CAMTA1: variants seen among roughly 807,000 people sequenced by gnomAD.
CAMTA1 encodes calmodulin-binding transcription activator 1.
CAMTA1 carries 27 observed loss-of-function variants against 170.9 expected under a neutral mutation model. The observed-to-expected ratio is 0.16, with a 90% CI of 0.12 to 0.22. The LOEUF (loss-of-function observed/expected upper bound fraction) is 0.22, where lower values mean the gene tolerates loss of function less well. CAMTA1 is among the 10% of genes least tolerant of loss of function. CAMTA1 has a pLI of 1.00. For synonymous variants in CAMTA1, 833 were observed against 891.5 expected, an observed-to-expected ratio of 0.93 and a Z score of 1.17; for missense variants, 1,619 against 2,217.2, an observed-to-expected ratio of 0.73 and a Z score of 5.42.
At chr1:6,874,989 A>T (rs1161320537) in intron 3 of CAMTA1, among the ~76,000 whole-genome samples, 1 of 152,196 alleles carries the variant, frequency 6.6e-6, no homozygotes, top group African/African-American at 2.4e-5. Context: ...TGCCTGTTAC[A>T]TATTCATCCC....
At chr1:7,557,718 C>T (rs2094898669) in intron 6 of CAMTA1, among the ~76,000 whole-genome samples, 1 of 152,192 alleles carries the variant, frequency 6.6e-6, no homozygotes, top group African/African-American at 2.4e-5. Context: ...CAGGCTCTGG[C>T]CCAGACACAG....
In CAMTA1 at chr1:7,339,077, C is replaced by T. The variant is rs144192114; in HGVS notation, c.438+89451C>T. On this transcript the variant is annotated intron_variant, in intron 5 of 22. Transcript: ENST00000303635. Reference sequence around the variant, plus strand: ...ACGAGACCAGCGAGGGGGAACTCCGCCCCCTCCCACCAGGCCCCTCTTCCA... The same window carrying T: ...ACGAGACCAGCGAGGGGGAACTCCGTCCCCTCCCACCAGGCCCCTCTTCCA... Among the ~76,000 whole-genome samples, 148 of 152,262 alleles carry T rather than the reference C, an allele frequency of 9.7e-4. 2 individuals are homozygous for T. Among genetic ancestry groups the T allele is most frequent in the African/African-American group, 3.1e-3 (130 of 41,558 alleles).
chr1:6,896,091 A>G (rs1365530524), intron 3 of CAMTA1, among the ~76,000 whole-genome samples: 1 of 152,158 alleles, frequency 6.6e-6, no homozygotes, highest in Non-Finnish European at 1.5e-5. Context: ...CTAGCTGCCT[A>G]GAAGCTGCTC....
rs1429619196 is a variant in CAMTA1, at chr1:7,534,617, G to A, written c.510+66716G>A. ...GTCTGGCATGTCCTCGGCGGCACGG[G>A]CTGTGGCCGCAGAAGGCCAGCAGCT... On this transcript the variant is annotated intron_variant, in intron 6 of 22. Transcript: ENST00000303635. This position sits in a 1 kb window ranked among gnomAD's most constrained non-coding sequence, Gnocchi z 5.6. Among the ~76,000 whole-genome samples, 1 of 152,192 alleles carries A rather than the reference G, an allele frequency of 6.6e-6. No individual in the cohort carries two copies. The highest frequency in any genetic ancestry group is 6.5e-5 in the Admixed American group (1 of 15,280).
chr1:6,993,940 A>G (rs1696781517), intron 3 of CAMTA1, among the ~76,000 whole-genome samples: 2 of 152,250 alleles, frequency 1.3e-5, no homozygotes, highest in South Asian at 4.1e-4. Context: ...GGTTAATTGA[A>G]TGTATTAAAA....
At chr1:7,412,404 A>C (rs1230816742) in intron 5 of CAMTA1, among the ~76,000 whole-genome samples, 1 of 151,534 alleles carries the variant, frequency 6.6e-6, no homozygotes, top group Non-Finnish European at 1.5e-5. Flanking sequence ...ATTTCTCCAC[A>C]TCCTCTCCAG....
At chr1:7,008,573 A>G (rs1355634777) in intron 3 of CAMTA1, 1 of 152,190 alleles carries the variant, frequency 6.6e-6, no homozygotes, top group Non-Finnish European at 1.5e-5. Flanking sequence ...GCACCGTGCC[A>G]GGGGCCTGGG....
At position 7,500,291 on chromosome 1, in the gene CAMTA1, A is replaced by G. The variant is rs1389647930; in HGVS notation, c.510+32390A>G. 2.0e-4 allele frequency among the ~76,000 whole-genome samples: 21 copies of G among 104,940 alleles called. No homozygotes were observed. In the South Asian group the frequency reaches 5.5e-3, roughly 28 times the overall value. The allele number at this position is 104,940 out of a possible 152,430, so 68.8% of individuals were successfully genotyped here. On this transcript the variant is annotated intron_variant, in intron 6 of 22. Coordinates refer to ENST00000303635, the MANE Select transcript of CAMTA1 (RefSeq NM_015215.4). ...CCTGGTGTGCGTGCATATGTATATG[A>G]GTGTGTGTGTGCATGTGTGTCCGTG...
intron 5 of CAMTA1, among the ~76,000 whole-genome samples, chr1:7,386,764 G>A (rs957613494): frequency 6.6e-6 from 1 of 152,188 alleles, no homozygotes; most frequent in Non-Finnish European, 1.5e-5. Context: ...TAAGAAGTCA[G>A]TAGGAAAATG....
intron 5 of CAMTA1, among the ~76,000 whole-genome samples, chr1:7,424,499 G>C (rs987039281): frequency 2.0e-5 from 3 of 152,020 alleles, no homozygotes; most frequent in Non-Finnish European, 4.4e-5. Context: ...GCCTGAGAGG[G>C]GATCCACATG....
chr1:7,439,231 C>T (rs2092445683), intron 5 of CAMTA1, among the ~76,000 whole-genome samples: 1 of 152,168 alleles, frequency 6.6e-6, no homozygotes, highest in East Asian at 1.9e-4. Context: ...TGTCATACTG[C>T]TTTCTGCCTG....
intron 3 of CAMTA1, among the ~76,000 whole-genome samples, chr1:7,078,380 G>A (rs1490647682): frequency 6.6e-6 from 1 of 152,216 alleles, no homozygotes; most frequent in African/African-American, 2.4e-5. Context: ...GTGAAGGAGG[G>A]TTGGTGTTAA....
At position 7,746,733 on chromosome 1, in the gene CAMTA1, TTCAGGTGATTCTCCTGCC is replaced by T. The variant is rs563556220; in HGVS notation, c.4617+647_4617+664del. Reference sequence around the variant, plus strand: ...GCTCACTGCAACCTCCACCTCCCAATTCAGGTGATTCTCCTGCCTCAGCCTCCCAAGTAGCTGGAATTA... The same window carrying T: ...GCTCACTGCAACCTCCACCTCCCAATTCAGCCTCCCAAGTAGCTGGAATTA... On this transcript the variant is annotated intron_variant, in intron 18 of 22. Coordinates refer to ENST00000303635, the MANE Select transcript of CAMTA1 (RefSeq NM_015215.4). Among the ~76,000 whole-genome samples the T allele has an allele frequency of 2.5e-3, 380 of 152,322 alleles. 2 individuals are homozygous for T. The highest frequency in any genetic ancestry group is 4.5e-3 in the Non-Finnish European group (307 of 68,024).
At chr1:6,824,174 T>A (rs772166109) in intron 2 of CAMTA1, among the ~76,000 whole-genome samples, 1 of 152,190 alleles carries the variant, frequency 6.6e-6, no homozygotes, top group African/African-American at 2.4e-5. Flanking sequence ...ACCCTTTGTA[T>A]ATTGGGGATC....
chr1:7,454,153 C>T (rs996528947), intron 5 of CAMTA1, among the ~76,000 whole-genome samples: 1 of 152,314 alleles, frequency 6.6e-6, no homozygotes, highest in South Asian at 2.1e-4. Flanking sequence ...TGGAAGCTGC[C>T]GTTTATTTTA....
At chr1:7,393,293 C>T (rs1421852290) in intron 5 of CAMTA1, among the ~76,000 whole-genome samples, 2 of 151,974 alleles carry the variant, frequency 1.3e-5, no homozygotes, top group African/African-American at 2.4e-5. Flanking sequence ...GAGGCAGGGT[C>T]CTACTCTGTT....
At chr1:7,129,032 C>G (rs1645096047) in intron 4 of CAMTA1, among the ~76,000 whole-genome samples, 1 of 151,870 alleles carries the variant, frequency 6.6e-6, no homozygotes, top group South Asian at 2.1e-4. Context: ...TAGAGACCAC[C>G]TCACTATGTT....
chr1:7,401,091 TG>T, intron 5 of CAMTA1, among the ~76,000 whole-genome samples: 1 of 152,380 alleles, frequency 6.6e-6, no homozygotes, highest in Admixed American at 6.5e-5. Flanking sequence ...AAGCAATCTT[TG>T]CCTCATTCAA....
chr1:7,151,311 G>T (rs777058013), intron 4 of CAMTA1, among the ~76,000 whole-genome samples: 1 of 152,240 alleles, frequency 6.6e-6, no homozygotes, highest in African/African-American at 2.4e-5. Flanking sequence ...ACTGATGCGT[G>T]ATTCTTCATT....
Sources: gnomAD v4.1 joint callset for allele counts (sites outside exome capture counted in the v4.1 genomes callset) on GRCh38, gnomAD v4.1.1 for gene constraint, Gnocchi (gnomAD v3.1) non-coding constraint, MANE v1.5 for transcripts, NCBI Gene and HGNC (gene_info 2026-07-23, HGNC 2026-07-21) for gene names.